The following RBFOX3 variants were observed in gnomAD, a reference collection of about 807,000 sequenced individuals.
The protein encoded by RBFOX3 is RNA binding protein fox-1 homolog 3.
Under a neutral mutation model 48.7 loss-of-function variants are expected in RBFOX3, and 17 were observed. That is an observed-to-expected ratio of 0.35 (90% CI 0.24 to 0.52). RBFOX3 has a LOEUF of 0.52. Among genes scored for constraint, RBFOX3 ranks in the 20% least tolerant of loss-of-function variants. RBFOX3 has a pLI of 0.94. For missense variants in RBFOX3, 382 were observed against 497.5 expected, an observed-to-expected ratio of 0.77 and a Z score of 2.21; for synonymous variants, 212 against 209.5, an observed-to-expected ratio of 1.01 and a Z score of -0.10.
chr17:79,241,345 A>G (rs1023714896), intron 3 of RBFOX3, among the ~76,000 whole-genome samples: 1 of 152,034 alleles, frequency 6.6e-6, no homozygotes, highest in Non-Finnish European at 1.5e-5. Context: ...CCTCTGCGTA[A>G]CACCATCCTG....
At chr17:79,380,814 C>T (rs1000157994) in intron 2 of RBFOX3, among the ~76,000 whole-genome samples, 1 of 152,204 alleles carries the variant, frequency 6.6e-6, no homozygotes, top group Non-Finnish European at 1.5e-5. Context: ...CTCCACCACA[C>T]TTTCTAAACA....
intron 2 of RBFOX3, among the ~76,000 whole-genome samples, chr17:79,328,249 C>G (rs1212991547): frequency 6.6e-6 from 1 of 152,154 alleles, no homozygotes; most frequent in Admixed American, 6.5e-5. Flanking sequence ...GGCAAGGACC[C>G]CTTTTGATAG....
chr17:79,105,598 G>A (rs773550620), intron 6 of RBFOX3, among the ~76,000 whole-genome samples: 28 of 152,200 alleles, frequency 1.8e-4, no homozygotes, highest in Non-Finnish European at 3.5e-4. Context: ...CTCCTGAGAC[G>A]GGGAGTGGAC....
At chr17:79,413,104 G>A (rs12939183) in intron 2 of RBFOX3, among the ~76,000 whole-genome samples, 1 of 152,100 alleles carries the variant, frequency 6.6e-6, no homozygotes, top group Non-Finnish European at 1.5e-5. Context: ...AGGGGGAAAG[G>A]GGGAACTGCC....
At chr17:79,153,145 G>A (rs986288157) in intron 4 of RBFOX3, among the ~76,000 whole-genome samples, 1 of 152,130 alleles carries the variant, frequency 6.6e-6, no homozygotes, top group Admixed American at 6.5e-5. Flanking sequence ...GTCTGCCCCC[G>A]ACCCTTGGCC....
chr17:79,447,024 G>C (rs977712152), intron 2 of RBFOX3, among the ~76,000 whole-genome samples: 2 of 152,252 alleles, frequency 1.3e-5, no homozygotes, highest in Non-Finnish European at 2.9e-5. Context: ...CTTGGGTGAG[G>C]CTGGGGCCCG....
chr17:79,415,069 C>T (rs1356557316), intron 2 of RBFOX3, among the ~76,000 whole-genome samples: 1 of 152,206 alleles, frequency 6.6e-6, no homozygotes, highest in Non-Finnish European at 1.5e-5. Context: ...AATCCCAGGG[C>T]CACCAGGCTG....
intron 4 of RBFOX3, among the ~76,000 whole-genome samples, chr17:79,192,720 G>T (rs1197412670): frequency 6.6e-6 from 1 of 152,170 alleles, no homozygotes; most frequent in Non-Finnish European, 1.5e-5. Flanking sequence ...AGCCGCCGTG[G>T]CTGCCTACAC....
chr17:79,200,162 CAAAAAAAAAAA>C (rs3046721), intron 4 of RBFOX3, among the ~76,000 whole-genome samples: 1 of 110,980 alleles, frequency 9.0e-6, no homozygotes, highest in African/African-American at 3.4e-5. Context: ...GACTCCGTCT[CAAAAAAAAAAA>C]AAAAAAAAAA....
chr17:79,654,822 A>G, the RBFOX3 span, among the ~76,000 whole-genome samples: 6 of 152,302 alleles, frequency 3.9e-5, no homozygotes, highest in Admixed American at 2.0e-4. Context: ...CAAGGAGAAA[A>G]TGGGTCTCAT....
intron 2 of RBFOX3, among the ~76,000 whole-genome samples, chr17:79,417,874 A>G (rs1383178562): frequency 6.6e-6 from 1 of 152,272 alleles, no homozygotes; most frequent in Non-Finnish European, 1.5e-5. Flanking sequence ...CATAGAGGGA[A>G]TATGACCAGC....
chr17:79,453,366 G>A (rs930929201), intron 2 of RBFOX3, among the ~76,000 whole-genome samples: 11 of 152,176 alleles, frequency 7.2e-5, no homozygotes, highest in African/African-American at 1.2e-4. Context: ...CTGGGGCGTC[G>A]CAGTGGGGCC....
chr17:79,396,975 C>T (rs544617291), intron 2 of RBFOX3, among the ~76,000 whole-genome samples: 2 of 152,332 alleles, frequency 1.3e-5, no homozygotes, highest in East Asian at 1.9e-4. Flanking sequence ...GCAGGGAACG[C>T]GCACCAGGCT....
chr17:79,180,262 A>T (rs1044302742), intron 4 of RBFOX3, among the ~76,000 whole-genome samples: 3 of 152,306 alleles, frequency 2.0e-5, no homozygotes, highest in African/African-American at 7.2e-5. Flanking sequence ...CAGCAGGAAA[A>T]GGCTCATGCT....
At chr17:79,366,419 G>A (rs1252878457) in intron 2 of RBFOX3, among the ~76,000 whole-genome samples, 2 of 152,212 alleles carry the variant, frequency 1.3e-5, no homozygotes, top group Non-Finnish European at 2.9e-5. Flanking sequence ...GAATGGGTGG[G>A]ATCTGGCAGC....
intron 1 of RBFOX3, chr17:79,601,552 T>C (rs1287221930): frequency 2.6e-5 from 4 of 152,262 alleles, no homozygotes; most frequent in Non-Finnish European, 5.9e-5. Flanking sequence ...ACTTCCTTTA[T>C]AGCCCTCATT....
At chr17:79,546,511 C>G (rs1468732052) in intron 1 of RBFOX3, among the ~76,000 whole-genome samples, 3 of 149,638 alleles carry the variant, frequency 2.0e-5, no homozygotes, top group Non-Finnish European at 4.4e-5. Context: ...CTGTAGCCCC[C>G]TCCATGCCCA....
intron 2 of RBFOX3, among the ~76,000 whole-genome samples, chr17:79,410,519 CA>C (rs1242374313): frequency 6.6e-6 from 1 of 152,156 alleles, no homozygotes; most frequent in Non-Finnish European, 1.5e-5. Context: ...CTTTGAAACA[CA>C]GAGAGTTTTC....
chr17:79,498,336 A>C (rs1568347137), intron 1 of RBFOX3, among the ~76,000 whole-genome samples: 1 of 152,156 alleles, frequency 6.6e-6, no homozygotes, highest in Non-Finnish European at 1.5e-5. Flanking sequence ...AAGACCTCCC[A>C]AAACCAGTAT....
Sources: gnomAD v4.1 joint callset for allele counts (sites outside exome capture counted in the v4.1 genomes callset) on GRCh38, gnomAD v4.1.1 for gene constraint, MANE v1.5 for transcripts, NCBI Gene and HGNC (gene_info 2026-07-23, HGNC 2026-07-21) for gene names.